The following KCNU1 variants were observed in gnomAD, a reference collection of about 807,000 sequenced individuals.
KCNU1 encodes the protein potassium channel subfamily U member 1.
Under a neutral mutation model 126.8 loss-of-function variants are expected in KCNU1, and 93 were observed. The ratio of observed to expected loss-of-function variants is 0.73; its 90% CI spans 0.62 to 0.87. The LOEUF (loss-of-function observed/expected upper bound fraction) is 0.87, where lower values mean the gene tolerates loss of function less well. Among genes scored for constraint, KCNU1 ranks in the 40% least tolerant of loss-of-function variants. The pLI is 0.00. For missense variants in KCNU1, 1,330 were observed against 1,367.1 expected, an observed-to-expected ratio of 0.97 and a Z score of 0.43; for synonymous variants, 523 against 494.2, an observed-to-expected ratio of 1.06 and a Z score of -0.77.
intron 14 of KCNU1, among the ~76,000 whole-genome samples, chr8:36,837,983 A>T (rs1222782641): frequency 1.3e-5 from 2 of 152,210 alleles, no homozygotes; most frequent in Non-Finnish European, 2.9e-5. Context: ...TATTTAACGA[A>T]AAGCAAAAGA....
In KCNU1 at chr8:36,840,502, A is replaced by G. The variant is rs376891737; in HGVS notation, c.1558A>G (p.Ser520Gly). 13 of 1,611,512 alleles carry G rather than the reference A, an allele frequency of 8.1e-6. No homozygotes were observed. In the African/African-American group the frequency reaches 1.2e-4, roughly 15 times the overall value. The change falls in exon 15 of 27, where the codon AGC (serine) becomes GGC (glycine). Residue 520 changes from serine (S) to glycine (G), a missense_variant. By Grantham distance (56) the Ser-to-Gly change is moderately conservative (BLOSUM62 0). Coordinates refer to ENST00000399881, the MANE Select transcript of KCNU1 (RefSeq NM_001031836.3). ...KQTWKKHFLNSMKNKILTQRL... is the reference protein window; with the variant it reads ...KQTWKKHFLNGMKNKILTQRL... ...GACCTGGAAGAAACACTTCTTGAATAGCATGAAAAACAAAATTCTGACCCA... is the reference window on the plus strand; with the variant it reads ...GACCTGGAAGAAACACTTCTTGAATGGCATGAAAAACAAAATTCTGACCCA...
At chr8:36,812,237 A>G (rs1274316768) in intron 7 of KCNU1, among the ~76,000 whole-genome samples, 1 of 148,314 alleles carries the variant, frequency 6.7e-6, no homozygotes, top group African/African-American at 2.5e-5. Context: ...AAAATTAGTC[A>G]GGTGTGGTGG....
intron 19 of KCNU1, among the ~76,000 whole-genome samples, chr8:36,882,878 C>T (rs377397698): frequency 1.3e-5 from 2 of 152,284 alleles, no homozygotes; most frequent in African/African-American, 4.8e-5. Context: ...CCACCAGGCC[C>T]ACCCGCCACA....
Position 36,866,581 on chromosome 8 carries a change from G to A in KCNU1, c.2009+2060G>A, listed in dbSNP as rs1407002121. 5.9e-5 allele frequency among the ~76,000 whole-genome samples: 9 copies of A among 152,264 alleles called. No individual in the cohort carries two copies. In the East Asian group the frequency reaches 1.5e-3, roughly 26 times the overall value. On this transcript the variant is annotated intron_variant, in intron 19 of 26. Transcript: ENST00000399881. ...CCTGGCTATTTCCAACAACAAAACA[G>A]TCACAGATGAGCACTGGAATCTGCA...
intron 19 of KCNU1, chr8:36,889,296 A>G (rs1385478735): frequency 9.5e-6 from 5 of 526,706 alleles, no homozygotes; most frequent in Non-Finnish European, 1.6e-5. Flanking sequence ...TGGTTTAGAA[A>G]TTAAAAGATG....
chr8:36,821,861 A>C (rs958702936), intron 10 of KCNU1, among the ~76,000 whole-genome samples: 1 of 152,176 alleles, frequency 6.6e-6, no homozygotes, highest in Non-Finnish European at 1.5e-5. Context: ...TGTGTTAGAT[A>C]TTTGACCAAA....
intron 20 of KCNU1, 121 bp downstream of exon 20, chr8:36,905,925 AG>A: frequency 3.5e-6 from 2 of 576,420 alleles, no homozygotes; most frequent in Admixed American, 3.4e-5. Context: ...TGTCAAAAAA[AG>A]AAAAAAACCC....
At chr8:36,817,622 A>G (rs768150725) in intron 9 of KCNU1, 28 bp from the exon 10 acceptor site, 4 of 1,194,908 alleles carry the variant, frequency 3.3e-6, no homozygotes, top group Admixed American at 1.7e-5. Context: ...GCCTCGGATG[A>G]TCCACCTCAC....
At chr8:36,881,413 AG>A (rs2117398812) in intron 19 of KCNU1, among the ~76,000 whole-genome samples, 1 of 152,144 alleles carries the variant, frequency 6.6e-6, no homozygotes, top group African/African-American at 2.4e-5. Context: ...TGGTAGGGAT[AG>A]GGTCTCACTC....
Position 36,906,951 on chromosome 8 carries a change from T to G in KCNU1, c.2106+1147T>G, listed in dbSNP as rs553280749. Among the ~76,000 whole-genome samples, 11 of 152,290 alleles carry G rather than the reference T, an allele frequency of 7.2e-5. No individual in the cohort carries two copies. In the South Asian group the frequency reaches 2.3e-3, roughly 32 times the overall value. On this transcript the variant is annotated intron_variant, in intron 20 of 26. Coordinates refer to ENST00000399881, the MANE Select transcript of KCNU1 (RefSeq NM_001031836.3). Reference sequence around the variant, plus strand: ...TCTTTAGAAAGGTCAGGAAGTTGGTTGCAGATTGAGACATTTGAGACCAAA... The same window carrying G: ...TCTTTAGAAAGGTCAGGAAGTTGGTGGCAGATTGAGACATTTGAGACCAAA...
chr8:36,931,105 G>A lies in KCNU1; in HGVS notation c.2891G>A (p.Gly964Glu). The A allele has an allele frequency of 6.2e-7, 1 of 1,611,114 alleles. No homozygotes were observed. The highest frequency in any genetic ancestry group is 8.5e-7 in the Non-Finnish European group (1 of 1,178,476). Residue 964 changes from glycine to glutamate, a missense_variant, in exon 25 of 27, where the codon GGG (glycine) becomes GAG (glutamate). Physicochemically the swap from Gly to Glu is moderately conservative, Grantham distance 98 (BLOSUM62 -2). Around this residue, in one of 3 missense-constraint regions of KCNU1, gnomAD observed 1,054 missense variants for 1,053.9 expected, o/e 1.00. Transcript: ENST00000399881. ...LLSGRNRCKL[G>E]LLSLHETILS... ...TCTGGAAGAAACCGGTGTAAGCTGGGGCTTCTGTCCTTACACGAAACCATT... is the reference window on the plus strand; with the variant it reads ...TCTGGAAGAAACCGGTGTAAGCTGGAGCTTCTGTCCTTACACGAAACCATT...
At chr8:36,932,485 G>A (rs187442475) in intron 25 of KCNU1, among the ~76,000 whole-genome samples, 6 of 152,170 alleles carry the variant, frequency 3.9e-5, no homozygotes, top group East Asian at 3.9e-4. Context: ...GCTATAGCCC[G>A]AGAATAAGGT....
chr8:36,921,893 AC>A, intron 23 of KCNU1, among the ~76,000 whole-genome samples: 1 of 152,084 alleles, frequency 6.6e-6, no homozygotes, highest in South Asian at 2.1e-4. Context: ...TGAATCGGCA[AC>A]CTCAGCAGCA....
chr8:36,852,997 A>G (rs143711769), intron 18 of KCNU1, among the ~76,000 whole-genome samples: 2 of 152,242 alleles, frequency 1.3e-5, no homozygotes, highest in African/African-American at 4.8e-5. Flanking sequence ...AGTATCACCT[A>G]AGGTGAAACA....
rs139409083 is a variant in KCNU1 at position 36,868,198 on chromosome 8, A to G, written c.2009+3677A>G. 2.2e-3 allele frequency among the ~76,000 whole-genome samples: 335 copies of G among 152,224 alleles called. 1 individual carries two copies. Among genetic ancestry groups the G allele is most frequent in the African/African-American group, 7.7e-3 (320 of 41,550 alleles). On this transcript the variant is annotated intron_variant, in intron 19 of 26. Transcript: ENST00000399881. ...TACCGTGTTAATGGGTCAGTGATAG[A>G]GTACTCCCACTTAGTACCATAGAAA...
chr8:36,789,495 A>C, intron 2 of KCNU1, among the ~76,000 whole-genome samples: 1 of 152,104 alleles, frequency 6.6e-6, no homozygotes, highest in East Asian at 1.9e-4. Flanking sequence ...TAATTCTTTT[A>C]CTTCTTTCAA....
At chr8:36,833,207 A>G (rs966030107) in intron 10 of KCNU1, among the ~76,000 whole-genome samples, 6 of 152,080 alleles carry the variant, frequency 3.9e-5, no homozygotes. Flanking sequence ...TGCTCTATCA[A>G]TAGTTTAAAA....
intron 8 of KCNU1, among the ~76,000 whole-genome samples, chr8:36,814,995 C>T (rs1803855611): frequency 6.6e-6 from 1 of 152,062 alleles, no homozygotes; most frequent in Non-Finnish European, 1.5e-5. Context: ...TTTTTCCAAG[C>T]CCCAAATAGA....
At chr8:36,935,397 CA>C (rs1808820839) in intron 26 of KCNU1, 117 bp from the exon 27 acceptor site, 2 of 769,268 alleles carry the variant, frequency 2.6e-6, no homozygotes, top group African/African-American at 3.6e-5. Flanking sequence ...TGAAGCAAAA[CA>C]AAACAAAAAC....
Sources: gnomAD v4.1 joint callset for allele counts (sites outside exome capture counted in the v4.1 genomes callset) on GRCh38, gnomAD v4.1.1 for gene constraint, gnomAD v4.1.1 regional missense constraint, MANE v1.5 for transcripts, NCBI Gene and HGNC (gene_info 2026-07-23, HGNC 2026-07-21) for gene names.